The following FAIM2 variants were observed in gnomAD, a reference collection of about 807,000 sequenced individuals.
FAIM2 encodes Fas apoptotic inhibitory molecule 2.
In FAIM2, 27 loss-of-function variants were observed where a neutral mutation model predicts 47.4. The ratio of observed to expected loss-of-function variants is 0.57; its 90% CI spans 0.42 to 0.78. The LOEUF (loss-of-function observed/expected upper bound fraction) is 0.78. Among genes scored for constraint, FAIM2 ranks in the 30% least tolerant of loss-of-function variants. FAIM2 has a pLI of 0.00. For missense variants in FAIM2, 311 were observed against 389.4 expected (o/e 0.80, Z 1.69); for synonymous variants, 156 against 159.3 (o/e 0.98, Z 0.16).
chr12:49,879,291 T>G lies in FAIM2; in HGVS notation c.801+8095A>C, dbSNP rs993201207. 3.5e-4 allele frequency among the ~76,000 whole-genome samples: 46 copies of G among 133,176 alleles called. 8 individuals carry two copies. Among genetic ancestry groups the G allele is most frequent in the African/African-American group, 1.2e-3 (41 of 34,664 alleles). The allele number at this position is 133,176 out of a possible 152,430, so 87.4% of individuals were successfully genotyped here. A position where few individuals can be genotyped will look rare whatever the true frequency, so the allele number is the denominator to read the frequency against. ...GCATGTGTATATGTGTGTATGTGTG[T>G]GGGTATGTGTATGCATGTGCATGTG... On this transcript the variant is annotated intron_variant, in intron 11 of 11. Transcript: ENST00000320634.
intron 5 of FAIM2, among the ~76,000 whole-genome samples, chr12:49,892,939 GA>G (rs1946910551): frequency 6.6e-6 from 1 of 152,078 alleles, no homozygotes; most frequent in African/African-American, 2.4e-5. Context: ...CCCAATCAGA[GA>G]CCTCAGCATC....
At position 49,879,022 on chromosome 12, in the gene FAIM2, ATG is replaced by A. The variant is rs1260264670; in HGVS notation, c.801+8362_801+8363del. On this transcript the variant is annotated intron_variant, in intron 11 of 11. Transcript: ENST00000320634. ...TGTGTATGTGCATGTGTGTATGTGTATGTGTGTGTCTGTGTGCATGAGTTTGT... is the reference window on the plus strand; with the variant it reads ...TGTGTATGTGCATGTGTGTATGTGTATGTGTGTCTGTGTGCATGAGTTTGT... 1.5e-3 allele frequency among the ~76,000 whole-genome samples: 186 copies of A among 121,794 alleles called. 28 individuals carry two copies. The highest frequency in any genetic ancestry group is 5.8e-3 in the East Asian group (20 of 3,426). The allele number at this position is 121,794 out of a possible 152,430, so 79.9% of individuals were successfully genotyped here.
intron 5 of FAIM2, among the ~76,000 whole-genome samples, chr12:49,893,032 C>T (rs1021784693): frequency 1.3e-5 from 2 of 152,174 alleles, no homozygotes; most frequent in Non-Finnish European, 2.9e-5. Context: ...CAAAGCTGCC[C>T]TCTTCCCTCC....
intron 5 of FAIM2, among the ~76,000 whole-genome samples, chr12:49,892,322 C>T (rs1256755486): frequency 1.3e-5 from 2 of 152,140 alleles, no homozygotes; most frequent in Non-Finnish European, 2.9e-5. Flanking sequence ...CCACACAAGC[C>T]TCCTCAGCTG....
rs749377209 is a variant in FAIM2 at position 49,891,045 on chromosome 12, C to A, written c.485+19G>T. 1 of 1,613,176 alleles carries A rather than the reference C, an allele frequency of 6.2e-7. No homozygotes were observed. Among genetic ancestry groups the A allele is most frequent in the Admixed American group, 1.7e-5 (1 of 60,032 alleles). ...CCTGCTCATATTCCCACAAGTTCCT[C>A]CTCAAGCCATTAGCATACCTGGGTC... On this transcript the variant is annotated intron_variant, in intron 6 of 11. Coordinates refer to ENST00000320634, the MANE Select transcript of FAIM2 (RefSeq NM_012306.4).
chr12:49,874,434 A>G lies in FAIM2; in HGVS notation c.802-3781T>C, dbSNP rs1021095006. ...GGAGATAGGGGAGGAGTGGGCTTGC[A>G]GGGAGGGAGGGAGCATGTGCAGAGG... On this transcript the variant is annotated intron_variant, in intron 11 of 11. Transcript: ENST00000320634. This position sits in a 1 kb window ranked among gnomAD's most constrained non-coding sequence, Gnocchi z 4.2. Among the ~76,000 whole-genome samples the G allele has an allele frequency of 2.6e-5, 4 of 152,040 alleles. No individual in the cohort carries two copies. Among genetic ancestry groups the G allele is most frequent in the African/African-American group, 9.7e-5 (4 of 41,392 alleles).
At chr12:49,891,630 A>G (rs1322640164) in intron 5 of FAIM2, among the ~76,000 whole-genome samples, 1 of 147,872 alleles carries the variant, frequency 6.8e-6, no homozygotes, top group Non-Finnish European at 1.5e-5. Flanking sequence ...ACACTGCCCC[A>G]CACAGGCCCT....
At chr12:49,871,925 C>CA (rs1946706063) in intron 11 of FAIM2, among the ~76,000 whole-genome samples, 1 of 152,174 alleles carries the variant, frequency 6.6e-6, no homozygotes, top group Admixed American at 6.5e-5. Flanking sequence ...CTCGGCCTCT[C>CA]AAAGTGCTGG....
At chr12:49,895,383 G>A (rs1399603627) in intron 5 of FAIM2, among the ~76,000 whole-genome samples, 1 of 151,842 alleles carries the variant, frequency 6.6e-6, no homozygotes, top group Non-Finnish European at 1.5e-5. Flanking sequence ...ACTCACTCCT[G>A]GGCTGTCTCC....
chr12:49,874,908 G>A lies in FAIM2; in HGVS notation c.802-4255C>T, dbSNP rs1946725568. Among the ~76,000 whole-genome samples the A allele has an allele frequency of 6.6e-6, 1 of 152,180 alleles. No individual in the cohort carries two copies. The highest frequency in any genetic ancestry group is 1.5e-5 in the Non-Finnish European group (1 of 68,032). On this transcript the variant is annotated intron_variant, in intron 11 of 11. Transcript: ENST00000320634. The surrounding 1 kb of genome is among the most constrained non-coding windows in gnomAD (Gnocchi z 4.2). ...TGCTGAGGTGGAAACATCTGTGACA[G>A]ACGCTACTGTGAGAAAAAAGCAAGT...
chr12:49,880,613 AGT>A lies in FAIM2; in HGVS notation c.801+6771_801+6772del, dbSNP rs563550152. Among the ~76,000 whole-genome samples the A allele has an allele frequency of 5.8e-3, 563 of 97,760 alleles. 3 individuals carry two copies. Among genetic ancestry groups the A allele is most frequent in the African/African-American group, 0.024 (528 of 21,584 alleles). 64.1% of individuals were successfully genotyped at this position (97,760 alleles called of 152,430 possible). ...GTGCATGTGTATGTGTGTGCATGTGAGTGTATGTGCATGTGTGTATATATATG... is the reference window on the plus strand; with the variant it reads ...GTGCATGTGTATGTGTGTGCATGTGAGTATGTGCATGTGTGTATATATATG... On this transcript the variant is annotated intron_variant, in intron 11 of 11. Coordinates refer to ENST00000320634, the MANE Select transcript of FAIM2 (RefSeq NM_012306.4).
intron 11 of FAIM2, among the ~76,000 whole-genome samples, chr12:49,875,633 G>C (rs941342907): frequency 6.6e-6 from 1 of 152,162 alleles, no homozygotes; most frequent in Non-Finnish European, 1.5e-5. Flanking sequence ...AGGATGAAAG[G>C]GGGGTAGTGT....
At chr12:49,870,745 C>T (rs1203844456) in intron 11 of FAIM2, 92 bp from the exon 12 acceptor site, 4 of 1,298,388 alleles carry the variant, frequency 3.1e-6, no homozygotes, top group Non-Finnish European at 4.3e-6. Flanking sequence ...CAGCCCCACC[C>T]CCAATTTTAT....
chr12:49,886,921 A>G (rs989462911), intron 11 of FAIM2, among the ~76,000 whole-genome samples: 3 of 152,248 alleles, frequency 2.0e-5, no homozygotes, highest in South Asian at 4.1e-4. Context: ...CATCATCAAC[A>G]TTCTCAGTTT....
At chr12:49,880,618 ATGTG>A (rs1358728361) in intron 11 of FAIM2, among the ~76,000 whole-genome samples, 12 of 77,514 alleles carry the variant, frequency 1.5e-4, no homozygotes, top group Admixed American at 4.3e-4. Context: ...ATGTGAGTGT[ATGTG>A]CATGTGTGTA....
intron 11 of FAIM2, among the ~76,000 whole-genome samples, chr12:49,880,214 G>A: frequency 6.6e-6 from 1 of 151,762 alleles, no homozygotes; most frequent in African/African-American, 2.4e-5. Context: ...GTGTGCATGT[G>A]TGTATATGTG....
rs1383274229 is a variant in FAIM2 at position 49,889,205 on chromosome 12, G to A, written c.652-3C>T. ...CCCTGGCAGGAGGTGAAGTCGAACT[G>A]TGGGGACAGGATGGGGTTAGCTGCA... is the stretch of plus-strand genomic sequence containing the variant. On this transcript the variant is annotated splice_polypyrimidine_tract_variant and splice_region_variant and intron_variant, in intron 9 of 11. Transcript: ENST00000320634. 1.2e-6 allele frequency: 2 copies of A among 1,607,668 alleles called. No individual in the cohort carries two copies. Among genetic ancestry groups the A allele is most frequent in the Non-Finnish European group, 8.5e-7 (1 of 1,176,726 alleles).
chr12:49,876,854 C>A (rs1565612480), intron 11 of FAIM2, among the ~76,000 whole-genome samples: 2 of 152,266 alleles, frequency 1.3e-5, no homozygotes, highest in East Asian at 3.9e-4. Context: ...TCATCTGTTA[C>A]ACTATTCATC....
chr12:49,877,370 G>A (rs938212157), intron 11 of FAIM2, among the ~76,000 whole-genome samples: 1 of 152,232 alleles, frequency 6.6e-6, no homozygotes, highest in Middle Eastern at 3.2e-3. Context: ...GTGGGGCGTC[G>A]GGGAGGCCTC....
Sources: allele counts gnomAD v4.1 joint callset (sites outside exome capture counted in the v4.1 genomes callset), GRCh38; gene constraint gnomAD v4.1.1; non-coding constraint Gnocchi (gnomAD v3.1); transcripts MANE v1.5; gene names NCBI Gene and HGNC (gene_info 2026-07-23, HGNC 2026-07-21).